Variants in MSI2 observed in about 807,000 individuals in gnomAD.
MSI2 encodes RNA-binding protein Musashi homolog 2.
A neutral mutation model predicts 45.6 loss-of-function variants in MSI2; 17 were observed. The observed-to-expected ratio is 0.37, with a 90% CI of 0.26 to 0.56. The LOEUF (loss-of-function observed/expected upper bound fraction) is 0.56, where lower values mean the gene tolerates loss of function less well. Among genes scored for constraint, MSI2 ranks in the 20% least tolerant of loss-of-function variants. MSI2 has a pLI of 0.77. For synonymous variants in MSI2, 156 were observed against 158.2 expected (o/e 0.99, Z 0.11); for missense variants, 293 against 444.2 (o/e 0.66, Z 3.06).
chr17:57,637,799 G>A (rs1302468264), intron 10 of MSI2, among the ~76,000 whole-genome samples: 1 of 152,204 alleles, frequency 6.6e-6, no homozygotes, highest in East Asian at 1.9e-4. Context: ...AGAGGGCCCC[G>A]CCAGCTATGG....
chr17:57,382,541 CAT>C (rs1013961202), intron 5 of MSI2, among the ~76,000 whole-genome samples: 6 of 152,086 alleles, frequency 3.9e-5, no homozygotes, highest in African/African-American at 9.7e-5. Flanking sequence ...TGGTCAGAGA[CAT>C]GTGGTTGGAG....
chr17:57,685,733 T>C (rs1392410985), downstream of MSI2: 1 of 152,252 alleles, frequency 6.6e-6, no homozygotes, highest in African/African-American at 2.4e-5. Context: ...CACTCCACAG[T>C]GTCTCGTTAC....
In MSI2 at chr17:57,388,339, A is replaced by G. The variant is rs568091650; in HGVS notation, c.313-13040A>G. Among the ~76,000 whole-genome samples the G allele has an allele frequency of 2.0e-5, 3 of 152,348 alleles. 1 individual carries two copies. In the South Asian group the frequency reaches 6.2e-4, roughly 32 times the overall value. ...AATTTGACTTTTTTTCTTGATAGGT[A>G]AAATTTATGACTTAACAGATGGCTG... On this transcript the variant is annotated intron_variant, in intron 5 of 13. Transcript: ENST00000284073.
intron 6 of MSI2, among the ~76,000 whole-genome samples, chr17:57,491,117 AG>A (rs1359785410): frequency 6.6e-6 from 1 of 152,218 alleles, no homozygotes; most frequent in Admixed American, 6.5e-5. Flanking sequence ...CTTATCCTTG[AG>A]ACCTCAGGAG....
intron 5 of MSI2, among the ~76,000 whole-genome samples, chr17:57,316,983 A>G (rs1402772984): frequency 1.3e-5 from 2 of 151,654 alleles, no homozygotes; most frequent in Admixed American, 1.3e-4. Flanking sequence ...AGAATCAGGA[A>G]TCAGGCTCTT....
chr17:57,651,599 G>A (rs886218905), intron 10 of MSI2, among the ~76,000 whole-genome samples: 1 of 152,254 alleles, frequency 6.6e-6, no homozygotes, highest in Non-Finnish European at 1.5e-5. Context: ...AGCCTTTGGA[G>A]AACAGCTGGA....
chr17:57,563,173 G>A (rs1567901914), intron 7 of MSI2, among the ~76,000 whole-genome samples: 1 of 150,070 alleles, frequency 6.7e-6, no homozygotes, highest in Non-Finnish European at 1.5e-5. Context: ...TGTATAGGCT[G>A]CATAGTGGTC....
At chr17:57,470,594 T>G (rs1567843332) in intron 6 of MSI2, among the ~76,000 whole-genome samples, 1 of 152,106 alleles carries the variant, frequency 6.6e-6, no homozygotes, top group Non-Finnish European at 1.5e-5. Context: ...GAATATAAAA[T>G]GAATAGATGA....
chr17:57,441,979 C>CT (rs1183073144), intron 6 of MSI2, among the ~76,000 whole-genome samples: 1 of 151,862 alleles, frequency 6.6e-6, no homozygotes, highest in African/African-American at 2.4e-5. Context: ...ACCTCCCTTG[C>CT]TTGGCTGTAC....
intron 5 of MSI2, among the ~76,000 whole-genome samples, chr17:57,276,898 C>T (rs931641242): frequency 1.8e-4 from 27 of 152,038 alleles, no homozygotes; most frequent in African/African-American, 5.1e-4. Flanking sequence ...TCCTGGGGAA[C>T]GGTGGCAGAA....
intron 5 of MSI2, among the ~76,000 whole-genome samples, chr17:57,300,441 A>G (rs1438121880): frequency 6.6e-6 from 1 of 152,214 alleles, no homozygotes; most frequent in Non-Finnish European, 1.5e-5. Context: ...CACCACTGTT[A>G]ATGAATTAGA....
intron 5 of MSI2, among the ~76,000 whole-genome samples, chr17:57,337,450 C>T (rs1245992513): frequency 1.3e-5 from 2 of 152,160 alleles, no homozygotes; most frequent in Non-Finnish European, 2.9e-5. Context: ...CATTTTCTCT[C>T]CACTTTCTCG....
chr17:57,531,118 A>C (rs907322216), intron 7 of MSI2, among the ~76,000 whole-genome samples: 1 of 152,100 alleles, frequency 6.6e-6, no homozygotes, highest in African/African-American at 2.4e-5. Context: ...GCAATTGAGG[A>C]TTATCCTCCA....
intron 10 of MSI2, among the ~76,000 whole-genome samples, chr17:57,646,414 T>C (rs1209960767): frequency 6.6e-6 from 1 of 152,168 alleles, no homozygotes; most frequent in African/African-American, 2.4e-5. Context: ...GTTGGTGACA[T>C]CTTTCACTTA....
intron 6 of MSI2, among the ~76,000 whole-genome samples, chr17:57,484,189 C>T (rs538555495): frequency 7.9e-5 from 12 of 152,310 alleles, no homozygotes; most frequent in South Asian, 2.1e-4. Flanking sequence ...TTCTTGGCCT[C>T]CGTTAGCAGT....
chr17:57,338,605 G>A (rs946171419), intron 5 of MSI2, among the ~76,000 whole-genome samples: 2 of 152,158 alleles, frequency 1.3e-5, no homozygotes, highest in Non-Finnish European at 2.9e-5. Context: ...ACTCGTAGCC[G>A]GGTCTCTGCC....
intron 6 of MSI2, among the ~76,000 whole-genome samples, chr17:57,406,594 T>G (rs927143991): frequency 2.6e-5 from 4 of 152,224 alleles, no homozygotes; most frequent in African/African-American, 9.7e-5. Context: ...ATTTGGAGGC[T>G]TCCAATTATA....
At chr17:57,312,222 A>G (rs1306347821) in intron 5 of MSI2, among the ~76,000 whole-genome samples, 2 of 152,248 alleles carry the variant, frequency 1.3e-5, no homozygotes, top group Non-Finnish European at 2.9e-5. Context: ...AGAGAACTAC[A>G]TTATTGTATA....
At chr17:57,533,000 C>A (rs1455364576) in intron 7 of MSI2, among the ~76,000 whole-genome samples, 1 of 152,228 alleles carries the variant, frequency 6.6e-6, no homozygotes, top group East Asian at 1.9e-4. Flanking sequence ...CCACAGGGAA[C>A]TGGGCTTAAC....
Sources: allele counts gnomAD v4.1 joint callset (sites outside exome capture counted in the v4.1 genomes callset), GRCh38; gene constraint gnomAD v4.1.1; transcripts MANE v1.5; gene names NCBI Gene and HGNC (gene_info 2026-07-23, HGNC 2026-07-21).